RPGRIP1L: variants seen among roughly 807,000 people sequenced by gnomAD.
The protein encoded by RPGRIP1L is protein fantom.
RPGRIP1L carries 131 observed loss-of-function variants against 160.4 expected under a neutral mutation model. The observed-to-expected ratio is 0.82, with a 90% CI of 0.71 to 0.94. RPGRIP1L has a LOEUF of 0.94. Ranked by LOEUF, RPGRIP1L falls within the 40% of genes least tolerant of loss-of-function variation. The pLI is 0.00. For missense variants in RPGRIP1L, 1,522 were observed against 1,535.8 expected (o/e 0.99, Z 0.15); for synonymous variants, 510 against 515.8 (o/e 0.99, Z 0.15).
intron 6 of RPGRIP1L, among the ~76,000 whole-genome samples, chr16:53,682,639 G>C (rs1249971450): frequency 2.0e-5 from 3 of 152,152 alleles, no homozygotes; most frequent in Non-Finnish European, 4.4e-5. Flanking sequence ...TAAAGATGGG[G>C]ACTGCCCCAA....
intron 22 of RPGRIP1L, among the ~76,000 whole-genome samples, chr16:53,629,373 T>C (rs546233872): frequency 6.6e-6 from 1 of 152,298 alleles, no homozygotes; most frequent in Admixed American, 6.5e-5. Flanking sequence ...GTGGACTCCA[T>C]AGAACTTCTA....
chr16:53,665,881 G>T (rs1305482454), intron 9 of RPGRIP1L, among the ~76,000 whole-genome samples: 1 of 152,170 alleles, frequency 6.6e-6, no homozygotes, highest in African/African-American at 2.4e-5. Flanking sequence ...GAAGATCCCA[G>T]GGCCCAGGTA....
chr16:53,618,282 A>G (rs968358463), intron 24 of RPGRIP1L, among the ~76,000 whole-genome samples: 2 of 152,336 alleles, frequency 1.3e-5, no homozygotes, highest in South Asian at 4.1e-4. Flanking sequence ...ACACTGAGAG[A>G]GATATATACA....
At chr16:53,659,025 G>A (rs1394541185) in intron 10 of RPGRIP1L, 147 bp from the exon 11 acceptor site, 5 of 688,384 alleles carry the variant, frequency 7.3e-6, no homozygotes, top group African/African-American at 5.4e-5. Context: ...CCTCGACAAA[G>A]ACAGCAGGGG....
At chr16:53,673,202 C>A (rs1421621303) in intron 7 of RPGRIP1L, among the ~76,000 whole-genome samples, 186 bp from the exon 8 acceptor site, 1 of 152,140 alleles carries the variant, frequency 6.6e-6, no homozygotes, top group Admixed American at 6.6e-5. Flanking sequence ...ACGCTCTGAA[C>A]ATGTGTGTGA....
chr16:53,638,463 A>C, intron 19 of RPGRIP1L, 52 bp from the exon 20 acceptor site: 1 of 982,260 alleles, frequency 1.0e-6, no homozygotes, highest in Non-Finnish European at 1.6e-6. Flanking sequence ...TTATTACTAA[A>C]TCCCAAATCA....
In RPGRIP1L at chr16:53,645,642, T is replaced by C. The variant is rs1228542037; in HGVS notation, c.2666A>G (p.His889Arg). ...AGGCTTACCTGAGATACACCTGTCA[T>C]GTGCCAACGAAATCAGAGGCACATT... ...KVNVPLISLA[H>R]DRCISGIFEL... is the part of the protein sequence containing the mutation. The change falls in exon 17 of 27, where the codon CAT (histidine) becomes CGT (arginine). Residue 889 changes from histidine to arginine, a missense_variant. His to Arg is a conservative substitution (Grantham distance 29, BLOSUM62 0). Coordinates refer to ENST00000647211, the MANE Select transcript of RPGRIP1L (RefSeq NM_015272.5). 6.2e-7 allele frequency: 1 copy of C among 1,613,728 alleles called. No individual in the cohort carries two copies. Among genetic ancestry groups the C allele is most frequent in the African/African-American group, 1.3e-5 (1 of 74,920 alleles).
Position 53,657,482 on chromosome 16 carries a change from TA to T in RPGRIP1L, c.1551del (p.Met518CysfsTer16). 1 of 1,612,440 alleles carries T rather than the reference TA, an allele frequency of 6.2e-7. No individual in the cohort carries two copies. The highest frequency in any genetic ancestry group is 8.5e-7 in the Non-Finnish European group (1 of 1,178,972). On this transcript the variant is annotated frameshift_variant, in exon 13 of 27. Coordinates refer to ENST00000647211, the MANE Select transcript of RPGRIP1L (RefSeq NM_015272.5). LOFTEE classifies it high-confidence loss of function. ...TAATCTTTATTAATTTTGTGTTGCA[TA>T]ATTAGCATGTTTCTTGTCTTTTCCA... The part of the protein sequence containing the change: ...QELEKTRNML[I>X]MQHKINKDYQ...
rs566710114 is a variant in RPGRIP1L at position 53,599,021 on chromosome 16, T to C, written c.*3055A>G. On this transcript the variant is annotated 3_prime_UTR_variant, in exon 27 of 27. Transcript: ENST00000647211. ...AAATTTTCCATATCCACAAAAATGT[T>C]AATCAGATTCTTGTTAGAACATGTG... 1 of 152,234 alleles carries C rather than the reference T, an allele frequency of 6.6e-6. No individual in the cohort carries two copies. Among genetic ancestry groups the C allele is most frequent in the Non-Finnish European group, 1.5e-5 (1 of 68,030 alleles). The allele number at this position is 152,234 out of a possible 1,614,324, so 9.4% of individuals were successfully genotyped here. A position where few individuals can be genotyped will look rare whatever the true frequency, so the allele number is the denominator to read the frequency against.
At chr16:53,633,387 C>T (rs549963842) in intron 22 of RPGRIP1L, among the ~76,000 whole-genome samples, 1 of 152,208 alleles carries the variant, frequency 6.6e-6, no homozygotes, top group African/African-American at 2.4e-5. Flanking sequence ...CCAGACAAAT[C>T]CAATGAAGAA....
intron 22 of RPGRIP1L, among the ~76,000 whole-genome samples, chr16:53,632,911 C>A (rs1965609780): frequency 6.6e-6 from 1 of 152,158 alleles, no homozygotes; most frequent in Admixed American, 6.6e-5. Context: ...TCCCATAGCA[C>A]CCCATGCATT....
intron 21 of RPGRIP1L, among the ~76,000 whole-genome samples, chr16:53,637,420 G>A (rs1965909055): frequency 6.6e-6 from 1 of 152,070 alleles, no homozygotes; most frequent in Non-Finnish European, 1.5e-5. Flanking sequence ...TGAACTCAAA[G>A]AGAACACAAA....
intron 25 of RPGRIP1L, chr16:53,608,044 C>G: frequency 1.2e-6 from 1 of 831,288 alleles, no homozygotes. Flanking sequence ...GAAGGAAGAA[C>G]AGGAAGTGCT....
chr16:53,653,182 CA>C (rs1402504529), intron 14 of RPGRIP1L, 195 bp from the exon 15 acceptor site: 3 of 449,074 alleles, frequency 6.7e-6, no homozygotes, highest in Non-Finnish European at 8.8e-6. Context: ...ACTTATTAGG[CA>C]GCAACAAAAT....
chr16:53,651,666 GA>G (rs1033857523), intron 15 of RPGRIP1L, among the ~76,000 whole-genome samples: 1 of 152,024 alleles, frequency 6.6e-6, no homozygotes, highest in African/African-American at 2.4e-5. Context: ...CCCCCTCAGA[GA>G]AGCCCTTACC....
At chr16:53,607,955 T>A (rs887280223) in intron 25 of RPGRIP1L, 1 of 984,578 alleles carries the variant, frequency 1.0e-6, no homozygotes, top group African/African-American at 1.7e-5. Context: ...GCCAACTTTG[T>A]CCCATGTCTG....
intron 24 of RPGRIP1L, among the ~76,000 whole-genome samples, chr16:53,613,425 T>C (rs951167145): frequency 1.3e-5 from 2 of 152,078 alleles, no homozygotes; most frequent in African/African-American, 4.8e-5. Context: ...TCCTCCCACC[T>C]TAGCCCTTAG....
intron 22 of RPGRIP1L, among the ~76,000 whole-genome samples, chr16:53,624,891 G>C (rs1964986087): frequency 6.6e-6 from 1 of 151,754 alleles, no homozygotes; most frequent in African/African-American, 2.4e-5. Flanking sequence ...TCAGCCTGCC[G>C]AGTGCCTGGG....
rs765853965 is a variant in RPGRIP1L, at chr16:53,602,145, C to G, written c.3879G>C (p.Arg1293Ser). The G allele has an allele frequency of 6.2e-7, 1 of 1,613,864 alleles. No homozygotes were observed. Among genetic ancestry groups the G allele is most frequent in the African/African-American group, 1.3e-5 (1 of 74,892 alleles). The change falls in exon 27 of 27, where the codon AGG becomes AGC. Residue 1293 changes from arginine to serine, a missense_variant. Coordinates refer to ENST00000647211, the MANE Select transcript of RPGRIP1L (RefSeq NM_015272.5). Reference protein sequence around the residue: ...RADGEGIGKLRVTVEALHALQ... With the variant: ...RADGEGIGKLSVTVEALHALQ... The stretch of plus-strand genomic sequence containing the variant: ...GGGCATGGAGAGCTTCGACTGTTAC[C>G]CTGAGCTTGCCAATACCTTCACCAT...
Sources: allele counts gnomAD v4.1 joint callset (sites outside exome capture counted in the v4.1 genomes callset), GRCh38; gene constraint gnomAD v4.1.1; transcripts MANE v1.5; gene names NCBI Gene and HGNC (gene_info 2026-07-23, HGNC 2026-07-21).